Variants in ARB2A observed in about 807,000 individuals in gnomAD.
ARB2A encodes the protein cotranscriptional regulator ARB2A.
the ARB2A span, among the ~76,000 whole-genome samples, chr5:93,772,261 A>G: frequency 2.1e-4 from 32 of 152,042 alleles, no homozygotes; most frequent in African/African-American, 7.5e-4. Context: ...AACAATGAGA[A>G]CACATGGACA....
At chr5:93,944,549 A>G in the ARB2A span, among the ~76,000 whole-genome samples, 1 of 150,870 alleles carries the variant, frequency 6.6e-6, no homozygotes, top group Non-Finnish European at 1.5e-5. Flanking sequence ...ATGCCACTCA[A>G]CTCCAGCCTG....
At chr5:93,832,138 C>G in the ARB2A span, among the ~76,000 whole-genome samples, 17 of 152,074 alleles carry the variant, frequency 1.1e-4, no homozygotes, top group Non-Finnish European at 2.4e-4. Context: ...TTAGTGGGAG[C>G]CTTGCAGCAG....
chr5:94,034,267 C>T, the ARB2A span, among the ~76,000 whole-genome samples: 16 of 152,286 alleles, frequency 1.1e-4, no homozygotes, highest in African/African-American at 3.6e-4. Context: ...TTCCAAGTCC[C>T]TTCACAGCTG....
the ARB2A span, among the ~76,000 whole-genome samples, chr5:94,057,084 C>A: frequency 6.6e-6 from 1 of 152,216 alleles, no homozygotes; most frequent in African/African-American, 2.4e-5. Context: ...CTCACACCAT[C>A]AGCTCTTCTG....
chr5:93,794,525 T>C, the ARB2A span, among the ~76,000 whole-genome samples: 1 of 152,150 alleles, frequency 6.6e-6, no homozygotes, highest in Non-Finnish European at 1.5e-5. Flanking sequence ...AGAGATGTTT[T>C]TCCAGTTGCT....
At chr5:93,668,211 C>T in the ARB2A span, among the ~76,000 whole-genome samples, 5 of 152,340 alleles carry the variant, frequency 3.3e-5, no homozygotes, top group East Asian at 1.9e-4. Flanking sequence ...TCAAGCAATG[C>T]TTGTGCCTCA....
chr5:93,937,661 T>A, the ARB2A span, among the ~76,000 whole-genome samples: 1 of 151,526 alleles, frequency 6.6e-6, no homozygotes, highest in Non-Finnish European at 1.5e-5. Context: ...GGTATACATA[T>A]AATTGTGTGT....
chr5:93,765,031 G>C, the ARB2A span, among the ~76,000 whole-genome samples: 4 of 152,286 alleles, frequency 2.6e-5, no homozygotes, highest in African/African-American at 9.6e-5. Context: ...ATTAGGTATT[G>C]ATGGGACGTA....
the ARB2A span, among the ~76,000 whole-genome samples, chr5:93,653,571 T>G: frequency 2.2e-5 from 3 of 138,534 alleles, no homozygotes; most frequent in Admixed American, 2.2e-4. Flanking sequence ...TTAATTCTTC[T>G]TTTGCAATAT....
chr5:94,077,544 A>G, the ARB2A span, among the ~76,000 whole-genome samples: 1 of 152,174 alleles, frequency 6.6e-6, no homozygotes, highest in Admixed American at 6.6e-5. Context: ...GTGAAGCTCA[A>G]TCAAGAACAT....
the ARB2A span, among the ~76,000 whole-genome samples, chr5:93,757,040 A>T: frequency 6.6e-6 from 1 of 152,200 alleles, no homozygotes; most frequent in Non-Finnish European, 1.5e-5. Context: ...ACAATCGAAA[A>T]TTCAGGAAAC....
the ARB2A span, among the ~76,000 whole-genome samples, chr5:93,959,431 A>G: frequency 7.2e-5 from 11 of 152,120 alleles, no homozygotes; most frequent in African/African-American, 2.4e-4. Context: ...TCACACAACT[A>G]TAAGTCTATA....
the ARB2A span, among the ~76,000 whole-genome samples, chr5:93,623,975 C>A: frequency 2.6e-5 from 4 of 152,030 alleles, no homozygotes; most frequent in African/African-American, 9.7e-5. Context: ...AGACCATTTT[C>A]AAAAATTTAG....
the ARB2A span, chr5:93,881,709 G>T: frequency 2.1e-6 from 3 of 1,436,832 alleles, no homozygotes; most frequent in African/African-American, 4.4e-5. Flanking sequence ...ATGAAAGAAG[G>T]TAGCATAATT....
the ARB2A span, among the ~76,000 whole-genome samples, chr5:93,653,551 A>AAAAAAAAAAAAAAAAAAAAT: frequency 7.7e-6 from 1 of 130,234 alleles, no homozygotes; most frequent in Non-Finnish European, 1.6e-5. Context: ...AAAAAAAAAA[A>AAAAAAAAAAAAAAAAAAAAT]AAAAAGACAT....
the ARB2A span, among the ~76,000 whole-genome samples, chr5:93,685,592 G>T: frequency 2.6e-5 from 4 of 152,272 alleles, no homozygotes; most frequent in East Asian, 3.9e-4. Context: ...CTAAGTGAGT[G>T]GTTCTAAAAA....
the ARB2A span, among the ~76,000 whole-genome samples, chr5:93,638,829 CAAAAAA>C: frequency 6.8e-6 from 1 of 146,318 alleles, no homozygotes; most frequent in Non-Finnish European, 1.5e-5. Context: ...AACTCTGTCT[CAAAAAA>C]AAAAATGCAT....
At chr5:93,918,546 C>T in the ARB2A span, among the ~76,000 whole-genome samples, 34 of 151,076 alleles carry the variant, frequency 2.3e-4, 1 homozygote, top group African/African-American at 8.0e-4. Context: ...CTCAGCCTCC[C>T]GAGTAGCTGG....
chr5:93,627,844 T>C, the ARB2A span, among the ~76,000 whole-genome samples: 1 of 152,128 alleles, frequency 6.6e-6, no homozygotes, highest in Non-Finnish European at 1.5e-5. Flanking sequence ...ACAACATGAA[T>C]TTTCTTATAC....
Sources: allele counts gnomAD v4.1 joint callset (sites outside exome capture counted in the v4.1 genomes callset), GRCh38; gene constraint gnomAD v4.1.1; transcripts MANE v1.5; gene names NCBI Gene and HGNC (gene_info 2026-07-23, HGNC 2026-07-21).